The following ATRIP variants were observed in gnomAD, a reference collection of about 807,000 sequenced individuals.
ATRIP encodes the protein ATR-interacting protein.
In ATRIP, 44 loss-of-function variants were observed where a neutral mutation model predicts 78.1. That is an observed-to-expected ratio of 0.56 (90% CI 0.44 to 0.72). The LOEUF (loss-of-function observed/expected upper bound fraction) is 0.72. Among genes scored for constraint, ATRIP ranks in the 30% least tolerant of loss-of-function variants. The pLI is 0.00. For synonymous variants in ATRIP, 388 were observed against 408.9 expected (o/e 0.95, Z 0.62); for missense variants, 927 against 980.2 (o/e 0.95, Z 0.72).
At chr3:48,449,790 AAG>A (rs2039786839) in intron 1 of ATRIP, among the ~76,000 whole-genome samples, 1 of 150,520 alleles carries the variant, frequency 6.6e-6, no homozygotes, top group Non-Finnish European at 1.5e-5. Context: ...AAAAAAAAAA[AAG>A]CCAGGCATGG....
intron 1 of ATRIP, among the ~76,000 whole-genome samples, chr3:48,448,359 T>C (rs1217110097): frequency 1.3e-5 from 2 of 152,150 alleles, no homozygotes; most frequent in Non-Finnish European, 2.9e-5. Flanking sequence ...TTTGTATTTT[T>C]AGTAGAGACG....
In ATRIP at chr3:48,450,188, T is replaced by C. The variant is rs11922041; in HGVS notation, c.381+18T>C. 3,010 of 1,600,404 alleles carry C rather than the reference T, an allele frequency of 1.9e-3. 45 individuals are homozygous for C. The African/African-American group carries it at 0.034, about 18-fold the overall frequency. On this transcript the variant is annotated intron_variant, in intron 2 of 12. Transcript: ENST00000320211. ...AAGAAAAGGTAAGTGACTTAACTTG[T>C]GGTTTTTGTAGCTAATTCATTCACT... is the stretch of plus-strand genomic sequence containing the variant.
intron 2 of ATRIP, among the ~76,000 whole-genome samples, chr3:48,450,916 C>T (rs538801795): frequency 7.3e-5 from 11 of 151,634 alleles, no homozygotes; most frequent in African/African-American, 1.2e-4. Context: ...CGGCCAGGCG[C>T]GGTGGCTCAC....
In ATRIP at chr3:48,451,808, C is replaced by T; in HGVS notation, c.461C>T (p.Ser154Phe). ...ILRDSLHQTE[S>F]VLEEQRRSHF... ...CGAGACTCACTACATCAGACGGAAT[C>T]CGTTCTAGAGGAACAGAGAAGATCA... Residue 154 changes from serine to phenylalanine, a missense_variant, in exon 3 of 13, where the codon TCC becomes TTC. Transcript: ENST00000320211. 6.2e-7 allele frequency: 1 copy of T among 1,612,876 alleles called. No homozygotes were observed.
intron 3 of ATRIP, among the ~76,000 whole-genome samples, chr3:48,452,472 A>G (rs2039858065): frequency 6.6e-6 from 1 of 152,088 alleles, no homozygotes; most frequent in Non-Finnish European, 1.5e-5. Flanking sequence ...TACTTGAGCC[A>G]GGAGTTCGAG....
Position 48,466,708 on chromosome 3 carries a change from A to C in ATRIP, c.*1154A>C. On this transcript the variant is annotated 3_prime_UTR_variant, in exon 13 of 13. Coordinates refer to ENST00000320211, the MANE Select transcript of ATRIP (RefSeq NM_130384.3). ...CCCATGCAGACCCTCATCTTTTTCG[A>C]CATGGAGGCCACTGGCTTGCCCTTC... 6.2e-7 allele frequency: 1 copy of C among 1,613,658 alleles called. No individual in the cohort carries two copies. Among genetic ancestry groups the C allele is most frequent in the Non-Finnish European group, 8.5e-7 (1 of 1,179,908 alleles).
In ATRIP at chr3:48,465,569, A is replaced by G; in HGVS notation, c.*15A>G. The G allele has an allele frequency of 6.2e-7, 1 of 1,606,856 alleles. No individual in the cohort carries two copies. The highest frequency in any genetic ancestry group is 1.1e-5 in the South Asian group (1 of 90,834). ...AGTGTGGCTGAGGCCCTGAGTGTCC[A>G]GCCACATGGTGGCACCAGCACCACT... On this transcript the variant is annotated 3_prime_UTR_variant, in exon 13 of 13. Coordinates refer to ENST00000320211, the MANE Select transcript of ATRIP (RefSeq NM_130384.3).
chr3:48,459,509 A>G (rs1162896873), intron 6 of ATRIP, 55 bp downstream of exon 6: 2 of 1,537,808 alleles, frequency 1.3e-6, no homozygotes, highest in African/African-American at 1.4e-5. Context: ...AGTAATATGC[A>G]GAAGAATTGC....
At chr3:48,459,578 G>A (rs1440061423) in intron 6 of ATRIP, 124 bp downstream of exon 6, 1 of 1,183,876 alleles carries the variant, frequency 8.4e-7, no homozygotes, top group Non-Finnish European at 1.2e-6. Flanking sequence ...GGAAGTCAAA[G>A]TATGTGGCTT....
Position 48,467,209 on chromosome 3 carries a change from G to T in ATRIP, c.*1655G>T, listed in dbSNP as rs767157848. On this transcript the variant is annotated 3_prime_UTR_variant, in exon 13 of 13. Transcript: ENST00000320211. ...TATAGCCTAGGCAGCATCTACACTC[G>T]CCTGTATGGGCAGTCCCCTCCAGAC... is the stretch of plus-strand genomic sequence containing the variant. The T allele has an allele frequency of 6.2e-7, 1 of 1,614,012 alleles. No homozygotes were observed. The highest frequency in any genetic ancestry group is 8.5e-7 in the Non-Finnish European group (1 of 1,179,980).
intron 1 of ATRIP, chr3:48,447,531 T>A (rs1004566290): frequency 1.0e-6 from 1 of 987,858 alleles, no homozygotes; most frequent in Non-Finnish European, 1.2e-6. Context: ...AGGCAAGAGA[T>A]GAAATAAATT....
In ATRIP at chr3:48,460,050, G is replaced by GGA. The variant is rs2040056272; in HGVS notation, c.1056-59_1056-58insAG. The GGA allele has an allele frequency of 5.8e-6, 9 of 1,557,956 alleles. No individual in the cohort carries two copies. The Admixed American group carries it at 1.7e-4, about 30-fold the overall frequency. On this transcript the variant is annotated intron_variant, in intron 7 of 12. Coordinates refer to ENST00000320211, the MANE Select transcript of ATRIP (RefSeq NM_130384.3). The stretch of plus-strand genomic sequence containing the variant: ...GAGAATTTGGCAGGCAGGCTGTTTG[G>GGA]GGCTCTTGACCTTATCTCCATCCCA...
chr3:48,460,411 T>G lies in ATRIP; in HGVS notation c.1357T>G (p.Ser453Ala). Reference sequence around the variant, plus strand: ...AGCACCTGGGGACTCACCGACACATTCCTCCTGCGTGAGCTCTGGGGTAGA... The same window carrying G: ...AGCACCTGGGGACTCACCGACACATGCCTCCTGCGTGAGCTCTGGGGTAGA... ...SGAPGDSPTH[S>A]SCVSSGVETN... is the part of the protein sequence containing the mutation. The change falls in exon 8 of 13, where the codon TCC (serine) becomes GCC (alanine). Residue 453 changes from serine to alanine, a missense_variant. Physicochemically the swap from Ser to Ala is moderately conservative, Grantham distance 99 (BLOSUM62 1). Coordinates refer to ENST00000320211, the MANE Select transcript of ATRIP (RefSeq NM_130384.3). 6.2e-7 allele frequency: 1 copy of G among 1,613,254 alleles called. No homozygotes were observed. Among genetic ancestry groups the G allele is most frequent in the Non-Finnish European group, 8.5e-7 (1 of 1,179,610 alleles).
intron 3 of ATRIP, among the ~76,000 whole-genome samples, chr3:48,452,374 A>G (rs1166992398): frequency 6.6e-6 from 1 of 152,102 alleles, no homozygotes; most frequent in Admixed American, 6.6e-5. Context: ...CTCATATTTT[A>G]TAAATACAGA....
chr3:48,457,086 C>T (rs759763019), intron 4 of ATRIP, among the ~76,000 whole-genome samples, 173 bp from the exon 5 acceptor site: 5 of 152,020 alleles, frequency 3.3e-5, no homozygotes, highest in Non-Finnish European at 5.9e-5. Flanking sequence ...AAACAAATGC[C>T]TGGAATTTTG....
At position 48,467,562 on chromosome 3, in the gene ATRIP, A is replaced by AT; in HGVS notation, c.*2008_*2009insT. Reference sequence around the variant, plus strand: ...GGCCATCCTGACCTTGGCAGTAGCCACACTGTATGGACTATCCCTGGCCAC... The same window carrying AT: ...GGCCATCCTGACCTTGGCAGTAGCCATCACTGTATGGACTATCCCTGGCCAC... On this transcript the variant is annotated 3_prime_UTR_variant, in exon 13 of 13. Coordinates refer to ENST00000320211, the MANE Select transcript of ATRIP (RefSeq NM_130384.3). 1.2e-6 allele frequency: 2 copies of AT among 1,613,776 alleles called. No individual in the cohort carries two copies. Among genetic ancestry groups the AT allele is most frequent in the Non-Finnish European group, 1.7e-6 (2 of 1,179,932 alleles).
chr3:48,464,478 C>T (rs2040211602), intron 10 of ATRIP, 104 bp from the exon 11 acceptor site: 1 of 1,283,502 alleles, frequency 7.8e-7, no homozygotes, highest in Non-Finnish European at 1.1e-6. Flanking sequence ...TTTGTGCAGA[C>T]AAACAGTTGC....
At position 48,466,795 on chromosome 3, in the gene ATRIP, C is replaced by A. The variant is rs1012563521; in HGVS notation, c.*1241C>A. 8 of 1,613,818 alleles carry A rather than the reference C, an allele frequency of 5.0e-6. No individual in the cohort carries two copies. The highest frequency in any genetic ancestry group is 5.9e-6 in the Non-Finnish European group (7 of 1,180,036). ...GTCCACAGATGTGCCCTGGAGAGCC[C>A]CCCCACCTCTCAGGGGCCACCTCCC... On this transcript the variant is annotated 3_prime_UTR_variant, in exon 13 of 13. Coordinates refer to ENST00000320211, the MANE Select transcript of ATRIP (RefSeq NM_130384.3).
chr3:48,456,600 CAAA>C (rs1206195014), intron 4 of ATRIP, among the ~76,000 whole-genome samples: 5 of 66,272 alleles, frequency 7.5e-5, no homozygotes, highest in Non-Finnish European at 9.0e-5. Context: ...CCTGTCTCAC[CAAA>C]AAAAAAAAAA....
Sources: gnomAD v4.1 joint callset for allele counts (sites outside exome capture counted in the v4.1 genomes callset) on GRCh38, gnomAD v4.1.1 for gene constraint, MANE v1.5 for transcripts, NCBI Gene and HGNC (gene_info 2026-07-23, HGNC 2026-07-21) for gene names.